Variants in ROBO1 observed in about 807,000 individuals in gnomAD.
ROBO1 encodes roundabout guidance receptor 1.
Under a neutral mutation model 195.9 loss-of-function variants are expected in ROBO1, and 149 were observed. The observed-to-expected ratio is 0.76, with a 90% CI of 0.67 to 0.87. The LOEUF is 0.87. Among genes scored for constraint, ROBO1 ranks in the 40% least tolerant of loss-of-function variants. ROBO1 has a pLI of 0.00. For missense variants in ROBO1, 1,933 were observed against 2,068.3 expected (o/e 0.93, Z 1.27); for synonymous variants, 816 against 733.2 (o/e 1.11, Z -1.82).
intron 9 of ROBO1, 73 bp from the exon 10 acceptor site, chr3:78,685,990 T>A: frequency 8.1e-7 from 1 of 1,227,492 alleles, no homozygotes; most frequent in Non-Finnish European, 1.1e-6. Context: ...TTGGCACTTA[T>A]GCATTTACAT....
intron 2 of ROBO1, among the ~76,000 whole-genome samples, chr3:79,154,042 A>G (rs1307085262): frequency 6.6e-6 from 1 of 151,640 alleles, no homozygotes; most frequent in African/African-American, 2.4e-5. Flanking sequence ...CACTATCTGA[A>G]ATTATTTTGA....
intron 1 of ROBO1, among the ~76,000 whole-genome samples, chr3:79,737,867 T>C (rs1703453145): frequency 6.6e-6 from 1 of 152,188 alleles, no homozygotes; most frequent in Non-Finnish European, 1.5e-5. Context: ...ATTCTAAGAA[T>C]CTTCATCTTT....
At chr3:79,658,196 A>G (rs1946226181) in intron 1 of ROBO1, among the ~76,000 whole-genome samples, 1 of 152,116 alleles carries the variant, frequency 6.6e-6, no homozygotes, top group South Asian at 2.1e-4. Context: ...ACTTCATACA[A>G]CAATTCTAGC....
At chr3:79,684,022 C>A (rs1341812476) in intron 1 of ROBO1, among the ~76,000 whole-genome samples, 1 of 152,030 alleles carries the variant, frequency 6.6e-6, no homozygotes, top group Non-Finnish European at 1.5e-5. Flanking sequence ...GAGGAATTGC[C>A]AAAATGTTCT....
intron 4 of ROBO1, among the ~76,000 whole-genome samples, chr3:78,855,941 A>C (rs1284127612): frequency 6.6e-6 from 1 of 152,094 alleles, no homozygotes; most frequent in Non-Finnish European, 1.5e-5. Context: ...TCAGGATCAA[A>C]AATTACTTTT....
chr3:79,143,908 A>AT (rs2080588060), intron 2 of ROBO1, among the ~76,000 whole-genome samples: 1 of 151,802 alleles, frequency 6.6e-6, no homozygotes. Context: ...CCATATCCAC[A>AT]TTTTTGAGAA....
chr3:78,686,579 T>C (rs1227944113), intron 9 of ROBO1, among the ~76,000 whole-genome samples: 1 of 151,476 alleles, frequency 6.6e-6, no homozygotes, highest in Non-Finnish European at 1.5e-5. Flanking sequence ...AAATTAACTA[T>C]CATTATGGTA....
At chr3:78,968,917 G>A (rs1156252575) in intron 3 of ROBO1, among the ~76,000 whole-genome samples, 1 of 152,154 alleles carries the variant, frequency 6.6e-6, no homozygotes, top group East Asian at 1.9e-4. Flanking sequence ...GAATCTCCAT[G>A]ATATTCCTAT....
intron 1 of ROBO1, among the ~76,000 whole-genome samples, chr3:79,737,130 G>T (rs995751712): frequency 4.6e-5 from 7 of 152,126 alleles, no homozygotes; most frequent in African/African-American, 1.7e-4. Flanking sequence ...CTCACTCTCT[G>T]CTGGGAGAAT....
chr3:79,746,857 A>C (rs189034422), intron 1 of ROBO1, among the ~76,000 whole-genome samples: 1 of 152,200 alleles, frequency 6.6e-6, no homozygotes, highest in Non-Finnish European at 1.5e-5. Flanking sequence ...CTTGGCTGAT[A>C]ATTATAAAGA....
chr3:78,996,549 C>T (rs2077370772), intron 3 of ROBO1, among the ~76,000 whole-genome samples: 1 of 152,088 alleles, frequency 6.6e-6, no homozygotes, highest in Non-Finnish European at 1.5e-5. Context: ...GTCTCATCCT[C>T]ATGGAAGATT....
At position 78,949,422 on chromosome 3, in the gene ROBO1, A is replaced by T. The variant is rs925920974; in HGVS notation, c.173-10495T>A. The stretch of plus-strand genomic sequence containing the variant: ...ACAAGCAATGGGGAAAGGATTCCCT[A>T]TTTAATAAATGGTGCTGGGAAAACT... On this transcript the variant is annotated intron_variant, in intron 3 of 30. Transcript: ENST00000464233. 3.4e-4 allele frequency among the ~76,000 whole-genome samples: 51 copies of T among 149,504 alleles called. No individual in the cohort carries two copies. The South Asian group carries it at 6.7e-3, about 20-fold the overall frequency.
intron 2 of ROBO1, among the ~76,000 whole-genome samples, chr3:79,382,969 A>G (rs980265332): frequency 4.6e-5 from 7 of 152,150 alleles, no homozygotes; most frequent in Admixed American, 1.3e-4. Flanking sequence ...GGAGGATTCA[A>G]GTAACCTTCG....
At chr3:79,429,051 G>T (rs751392067) in intron 2 of ROBO1, among the ~76,000 whole-genome samples, 1 of 152,072 alleles carries the variant, frequency 6.6e-6, no homozygotes, top group African/African-American at 2.4e-5. Context: ...ATCACTTTAT[G>T]TATTTTCTAA....
chr3:79,108,765 T>C (rs1354723797), intron 3 of ROBO1, among the ~76,000 whole-genome samples: 1 of 151,910 alleles, frequency 6.6e-6, no homozygotes, highest in Non-Finnish European at 1.5e-5. Flanking sequence ...TGAGGATTTC[T>C]GTGGCAAACC....
rs534322699 is a variant in ROBO1 at position 78,932,564 on chromosome 3, A to G, written c.499+6037T>C. On this transcript the variant is annotated intron_variant, in intron 4 of 30. Transcript: ENST00000464233. Reference sequence around the variant, plus strand: ...TTGTAGCATCCAATCTAGAGAGTCAAACTTTTCCATTTAGTCTTTATGACA... The same window carrying G: ...TTGTAGCATCCAATCTAGAGAGTCAGACTTTTCCATTTAGTCTTTATGACA... 2.0e-4 allele frequency among the ~76,000 whole-genome samples: 31 copies of G among 152,284 alleles called. No homozygotes were observed. The Middle Eastern group carries it at 0.014, about 67-fold the overall frequency.
chr3:78,830,505 C>T (rs986718062), intron 4 of ROBO1, among the ~76,000 whole-genome samples: 20 of 152,016 alleles, frequency 1.3e-4, no homozygotes, highest in South Asian at 4.1e-4. Flanking sequence ...CTTACAATCA[C>T]GACAGAAAGG....
intron 2 of ROBO1, among the ~76,000 whole-genome samples, chr3:79,262,394 T>C (rs144752346): frequency 4.9e-4 from 75 of 152,208 alleles, no homozygotes; most frequent in African/African-American, 1.7e-3. Context: ...GCTAGAATCT[T>C]ACCTCATCAG....
At chr3:79,668,338 T>TG (rs1247505982) in intron 1 of ROBO1, among the ~76,000 whole-genome samples, 1 of 151,232 alleles carries the variant, frequency 6.6e-6, no homozygotes, top group African/African-American at 2.4e-5. Context: ...TAAAACATGG[T>TG]GTTTTTTTTT....
Sources: allele counts gnomAD v4.1 joint callset (sites outside exome capture counted in the v4.1 genomes callset), GRCh38; gene constraint gnomAD v4.1.1; transcripts MANE v1.5; gene names NCBI Gene and HGNC (gene_info 2026-07-23, HGNC 2026-07-21).